Variants in EGLN2 observed in about 807,000 individuals in gnomAD.
The protein encoded by EGLN2 is prolyl hydroxylase EGLN2.
EGLN2 carries 15 observed loss-of-function variants against 38.2 expected under a neutral mutation model. That is an observed-to-expected ratio of 0.39 (90% CI 0.26 to 0.60). EGLN2 has a LOEUF of 0.60. EGLN2 is among the 20% of genes least tolerant of loss of function. The pLI is 0.50. For missense variants in EGLN2, 492 were observed against 570.4 expected (o/e 0.86, Z 1.40); for synonymous variants, 284 against 237.4 (o/e 1.20, Z -1.81).
In EGLN2 at chr19:40,801,110, G is replaced by A. The variant is rs2083253899; in HGVS notation, c.538G>A (p.Asp180Asn). Residue 180 changes from aspartate (D) to asparagine (N), a missense_variant, in exon 2 of 6, where the codon GAC (aspartate) becomes AAC (asparagine). Asp to Asn is a conservative substitution (Grantham distance 23). Coordinates refer to ENST00000303961, the MANE Select transcript of EGLN2 (RefSeq NM_080732.4). ...CTCTGCGCCCGAGCGCCTGGCCCTG[G>A]ACTATATCGTGCCCTGCATGCGGTA... ...LPSAPERLAL[D>N]YIVPCMRYYG... 2 of 1,612,856 alleles carry A rather than the reference G, an allele frequency of 1.2e-6. No homozygotes were observed. Among genetic ancestry groups the A allele is most frequent in the Non-Finnish European group, 1.7e-6 (2 of 1,179,952 alleles).
rs754503213 is a variant in EGLN2 at position 40,807,855 on chromosome 19, G to A, written c.1215G>A (p.Thr405=). 6.1e-5 allele frequency: 99 copies of A among 1,614,098 alleles called. 1 individual carries two copies. In the South Asian group the frequency reaches 1.0e-3, roughly 17 times the overall value. Residue 405 remains threonine (T), a synonymous_variant, in exon 6 of 6, where the codon ACG becomes ACA. Coordinates refer to ENST00000303961, the MANE Select transcript of EGLN2 (RefSeq NM_080732.4). ...AAGTACCTGTATCACAGCCGCCTAC[G>A]CCCACCTAGTGGCCAGTCCCAGAGC... The part of the protein sequence containing the change: ...GVQVPVSQPP[T]PT
chr19:40,807,398 G>C, intron 4 of EGLN2, 86 bp from the exon 5 acceptor site: 1 of 1,605,222 alleles, frequency 6.2e-7, no homozygotes, highest in East Asian at 2.2e-5. Flanking sequence ...GCAGAACCGG[G>C]TGGCTCAAAA....
chr19:40,803,378 G>A (rs1358029560), intron 2 of EGLN2: 2 of 152,254 alleles, frequency 1.3e-5, no homozygotes, highest in East Asian at 3.9e-4. Context: ...TTAGCCCTAG[G>A]TGACCTTGAT....
chr19:40,803,609 GCTT>G (rs1268625354), intron 2 of EGLN2, among the ~76,000 whole-genome samples: 6 of 152,140 alleles, frequency 3.9e-5, no homozygotes, highest in Non-Finnish European at 8.8e-5. Flanking sequence ...GTAGAAACGT[GCTT>G]CTTAGTCGTT....
chr19:40,800,391 A>T lies in EGLN2; in HGVS notation c.-182A>T. ...CTTAGGGACCGCAGAGGACTTGGGG[A>T]CCAGCAAGCAACCCCCAGGGCACGA... On this transcript the variant is annotated 5_prime_UTR_variant, in exon 2 of 6. Transcript: ENST00000303961. The T allele has an allele frequency of 1.1e-6, 1 of 890,448 alleles. No individual in the cohort carries two copies. Among genetic ancestry groups the T allele is most frequent in the Non-Finnish European group, 1.6e-6 (1 of 609,192 alleles). The allele number at this position is 890,448 out of a possible 1,614,324, so 55.2% of individuals were successfully genotyped here.
chr19:40,806,776 TCTC>T (rs1229910811), intron 3 of EGLN2, 102 bp downstream of exon 3: 2 of 1,469,776 alleles, frequency 1.4e-6, no homozygotes, highest in Non-Finnish European at 9.3e-7. Flanking sequence ...ATTCTGGCAT[TCTC>T]CTGTTTCTCT....
chr19:40,807,693 C>T, intron 5 of EGLN2, 116 bp from the exon 6 acceptor site: 2 of 1,419,244 alleles, frequency 1.4e-6, no homozygotes, highest in South Asian at 1.2e-5. Context: ...GCCCACTCTC[C>T]TGGTACCCCA....
At chr19:40,804,020 G>A (rs1331627974) in intron 2 of EGLN2, 1 of 152,282 alleles carries the variant, frequency 6.6e-6, no homozygotes, top group South Asian at 2.1e-4. Context: ...TCACCCCCAA[G>A]GTGTGTATAT....
At position 40,799,876 on chromosome 19, in the gene EGLN2, C is replaced by T. The variant is rs942102035; in HGVS notation, c.-234-463C>T. 48 of 147,832 alleles carry T rather than the reference C, an allele frequency of 3.2e-4. 1 individual carries two copies. The highest frequency in any genetic ancestry group is 7.0e-5 in the Admixed American group (1 of 14,216). 9.2% of individuals were successfully genotyped at this position (147,832 alleles called of 1,614,324 possible). A position where few individuals can be genotyped will look rare whatever the true frequency, so the allele number is the denominator to read the frequency against. Reference sequence around the variant, plus strand: ...GCCCCTCGTTCTCTTTGTTTTTGGACTCCCCAGTTTCCTCTGTCTTTTGAC... The same window carrying T: ...GCCCCTCGTTCTCTTTGTTTTTGGATTCCCCAGTTTCCTCTGTCTTTTGAC... On this transcript the variant is annotated intron_variant, in intron 1 of 5. Transcript: ENST00000303961.
chr19:40,807,404 C>T (rs1048796007), intron 4 of EGLN2, 80 bp from the exon 5 acceptor site: 2 of 1,605,692 alleles, frequency 1.2e-6, no homozygotes, highest in Non-Finnish European at 1.7e-6. Flanking sequence ...CCGGGTGGCT[C>T]AAAAGGATGG....
chr19:40,799,564 C>T (rs1400918763), intron 1 of EGLN2: 2 of 151,488 alleles, frequency 1.3e-5, no homozygotes, highest in Non-Finnish European at 2.9e-5. Flanking sequence ...CAGAAGGGGC[C>T]TCAGGGCCTG....
chr19:40,806,130 AG>A, intron 2 of EGLN2: 1 of 175,368 alleles, frequency 5.7e-6, no homozygotes, highest in South Asian at 1.2e-4. Flanking sequence ...AGAGCTCCCC[AG>A]GGGGCTCCAC....
At position 40,806,621 on chromosome 19, in the gene EGLN2, G is replaced by A; in HGVS notation, c.910G>A (p.Asp304Asn). 1.2e-6 allele frequency: 2 copies of A among 1,614,104 alleles called. No individual in the cohort carries two copies. The highest frequency in any genetic ancestry group is 1.7e-6 in the Non-Finnish European group (2 of 1,180,000). ...AAGGCACGTTGACAATCCCCACGGC[G>A]ATGGGCGCTGCATCACCTGTATCTA... Reference protein sequence around the residue: ...YVRHVDNPHGDGRCITCIYYL... With the variant: ...YVRHVDNPHGNGRCITCIYYL... Residue 304 changes from aspartate to asparagine, a missense_variant, in exon 3 of 6, where the codon GAT (aspartate) becomes AAT (asparagine). By Grantham distance (23) the Asp-to-Asn change is conservative. Transcript: ENST00000303961.
chr19:40,800,725 A>G lies in EGLN2; in HGVS notation c.153A>G (p.Pro51=), dbSNP rs144124916. Residue 51 remains proline (P), a synonymous_variant, in exon 2 of 6, where the codon CCA becomes CCG. Coordinates refer to ENST00000303961, the MANE Select transcript of EGLN2 (RefSeq NM_080732.4). ...CCCTGCTCCCCTCCTACCACTGTCC[A>G]GGAGTGCCTAGTGAGGCCTCGGCAG... ...PCPLLPSYHC[P]GVPSEASAGS... 16 of 1,613,878 alleles carry G rather than the reference A, an allele frequency of 9.9e-6. No individual in the cohort carries two copies. In the African/African-American group the frequency reaches 2.0e-4, roughly 20 times the overall value.
At chr19:40,802,564 C>T (rs763638940) in intron 2 of EGLN2, among the ~76,000 whole-genome samples, 40 of 152,280 alleles carry the variant, frequency 2.6e-4, no homozygotes, top group Non-Finnish European at 5.4e-4. Flanking sequence ...CAGATCCTCT[C>T]TTAAGACAAA....
Position 40,807,528 on chromosome 19 carries a change from C to T in EGLN2, c.1145C>T (p.Ala382Val). The change falls in exon 5 of 6, where the codon GCA (alanine) becomes GTA (valine). Residue 382 changes from alanine to valine, a missense_variant. Transcript: ENST00000303961. ...VWYFDAKERA[A>V]AKDKYQLASG... ...TATTTTGATGCCAAGGAGCGGGCAG[C>T]AGCCAAAGACAAGTATCAGCTAGGT... is the stretch of plus-strand genomic sequence containing the variant. 1.2e-6 allele frequency: 2 copies of T among 1,614,204 alleles called. No homozygotes were observed. Among genetic ancestry groups the T allele is most frequent in the South Asian group, 2.2e-5 (2 of 91,090 alleles).
Position 40,800,345 on chromosome 19 carries a change from T to C in EGLN2, c.-228T>C. 1 of 546,018 alleles carries C rather than the reference T, an allele frequency of 1.8e-6. No individual in the cohort carries two copies. The highest frequency in any genetic ancestry group is 3.3e-5 in the South Asian group (1 of 30,466). The allele number at this position is 546,018 out of a possible 1,614,324, so 33.8% of individuals were successfully genotyped here. On this transcript the variant is annotated 5_prime_UTR_variant, in exon 2 of 6. Coordinates refer to ENST00000303961, the MANE Select transcript of EGLN2 (RefSeq NM_080732.4). ...TTTTTTTTCCTTTCTCTAGCCACCC[T>C]GAAGGGTCCCTTCCCAAGCCCTTAG...
intron 2 of EGLN2, among the ~76,000 whole-genome samples, chr19:40,803,489 G>T (rs1388433569): frequency 2.6e-5 from 4 of 152,180 alleles, no homozygotes; most frequent in African/African-American, 9.7e-5. Context: ...CCCGCTTTTA[G>T]ATGGGCCCCA....
At position 40,806,539 on chromosome 19, in the gene EGLN2, C is replaced by G. The variant is rs768678206; in HGVS notation, c.844-16C>G. On this transcript the variant is annotated splice_polypyrimidine_tract_variant and intron_variant, in intron 2 of 5. Transcript: ENST00000303961. The stretch of plus-strand genomic sequence containing the variant: ...TGCCTAGCCCCAGTAAACCTACCTC[C>G]CTCCATCCCTGCCAGGCCATGGTGG... 11 of 1,613,978 alleles carry G rather than the reference C, an allele frequency of 6.8e-6. No individual in the cohort carries two copies. The highest frequency in any genetic ancestry group is 9.3e-6 in the Non-Finnish European group (11 of 1,179,902).
Sources: gnomAD v4.1 joint callset for allele counts (sites outside exome capture counted in the v4.1 genomes callset) on GRCh38, gnomAD v4.1.1 for gene constraint, MANE v1.5 for transcripts, NCBI Gene and HGNC (gene_info 2026-07-23, HGNC 2026-07-21) for gene names.